Variants in MCPH1 observed in about 807,000 individuals in gnomAD.
MCPH1 encodes the protein microcephalin.
MCPH1 carries 104 observed loss-of-function variants against 84.5 expected under a neutral mutation model. The observed-to-expected ratio is 1.23, with a 90% CI of 1.05 to 1.45. The LOEUF (loss-of-function observed/expected upper bound fraction) is 1.45, where lower values mean the gene tolerates loss of function less well. Among genes scored for constraint, MCPH1 ranks in the 40% most tolerant of loss-of-function variants. The pLI is 0.00. For synonymous variants in MCPH1, 514 were observed against 366.8 expected (o/e 1.40, Z -4.58); for missense variants, 1,498 against 1,005.7 (o/e 1.49, Z -6.62).
chr8:6,625,215 T>A (rs182890153), intron 13 of MCPH1: 2 of 985,296 alleles, frequency 2.0e-6, no homozygotes, highest in Non-Finnish European at 2.4e-6. Context: ...ACTTCATGTA[T>A]AAAACAGAGT....
At chr8:6,470,409 G>T (rs892359451) in intron 9 of MCPH1, among the ~76,000 whole-genome samples, 3 of 152,082 alleles carry the variant, frequency 2.0e-5, no homozygotes, top group African/African-American at 7.2e-5. Flanking sequence ...TCAGCCTCCT[G>T]AGTAGCTGGG....
At chr8:6,489,836 A>G (rs150672237) in intron 11 of MCPH1, among the ~76,000 whole-genome samples, 7 of 152,176 alleles carry the variant, frequency 4.6e-5, no homozygotes, top group African/African-American at 2.4e-5. Context: ...TGGCTGAGTT[A>G]TCAGGGAAAA....
intron 12 of MCPH1, chr8:6,532,503 G>A: frequency 6.3e-7 from 1 of 1,584,148 alleles, no homozygotes; most frequent in Non-Finnish European, 8.6e-7. Flanking sequence ...AAAGAACAGT[G>A]TTAGAAGGCA....
chr8:6,589,278 G>C (rs1280411308), intron 12 of MCPH1, among the ~76,000 whole-genome samples: 1 of 148,890 alleles, frequency 6.7e-6, no homozygotes, highest in Non-Finnish European at 1.5e-5. Flanking sequence ...AAAAATGACT[G>C]ATACCTTAAT....
intron 12 of MCPH1, among the ~76,000 whole-genome samples, chr8:6,591,234 T>C (rs1239803746): frequency 1.3e-5 from 2 of 152,254 alleles, no homozygotes; most frequent in Non-Finnish European, 2.9e-5. Context: ...GACACCTTGC[T>C]CAGTACGATG....
At chr8:6,642,817 T>C in intron 13 of MCPH1, 177 bp from the exon 14 acceptor site, 1 of 671,496 alleles carries the variant, frequency 1.5e-6, no homozygotes, top group Non-Finnish European at 2.7e-6. Context: ...GTATTGAATT[T>C]CGTTTCACGT....
chr8:6,633,247 C>T (rs967336130), intron 13 of MCPH1, among the ~76,000 whole-genome samples: 1 of 152,232 alleles, frequency 6.6e-6, no homozygotes, highest in Middle Eastern at 3.4e-3. Context: ...CAGGAAGGGA[C>T]ACATTTTGTT....
chr8:6,489,281 C>G (rs1563278291), intron 11 of MCPH1, among the ~76,000 whole-genome samples: 1 of 151,808 alleles, frequency 6.6e-6, no homozygotes, highest in Non-Finnish European at 1.5e-5. Context: ...GGTTTGATCT[C>G]TGGGCTGTGC....
At chr8:6,590,170 G>C (rs183965506) in intron 12 of MCPH1, among the ~76,000 whole-genome samples, 20 of 148,684 alleles carry the variant, frequency 1.3e-4, no homozygotes, top group African/African-American at 5.0e-4. Flanking sequence ...GCGTTTTCAA[G>C]AGCATGGAAG....
chr8:6,537,101 C>G (rs1025250840), intron 12 of MCPH1, among the ~76,000 whole-genome samples: 6 of 152,092 alleles, frequency 3.9e-5, no homozygotes, highest in Admixed American at 3.3e-4. Context: ...CAAAACAGTT[C>G]CAAGATACTT....
chr8:6,561,632 T>A (rs1296481967), intron 12 of MCPH1, among the ~76,000 whole-genome samples: 1 of 152,268 alleles, frequency 6.6e-6, no homozygotes, highest in African/African-American at 2.4e-5. Context: ...CCCTGCCATG[T>A]AAGCATTGTG....
At position 6,480,898 on chromosome 8, in the gene MCPH1, C is replaced by T. The variant is rs747554288; in HGVS notation, c.2136+22C>T. ...TTGGGTAAGCCCTGTGTGTGAACTGCGTATTTTAAAACAAGGCATTTTGAT... is the reference window on the plus strand; with the variant it reads ...TTGGGTAAGCCCTGTGTGTGAACTGTGTATTTTAAAACAAGGCATTTTGAT... On this transcript the variant is annotated intron_variant, in intron 11 of 13. Coordinates refer to ENST00000344683, the MANE Select transcript of MCPH1 (RefSeq NM_024596.5). The T allele has an allele frequency of 6.2e-6, 10 of 1,612,262 alleles. No homozygotes were observed. The South Asian group carries it at 6.6e-5, about 11-fold the overall frequency.
chr8:6,475,238 C>G (rs1388035312), intron 9 of MCPH1, among the ~76,000 whole-genome samples: 2 of 152,244 alleles, frequency 1.3e-5, no homozygotes, highest in African/African-American at 4.8e-5. Flanking sequence ...ATGACCCTGC[C>G]CTAACAGCAA....
At chr8:6,636,897 G>C (rs1182600806) in intron 13 of MCPH1, among the ~76,000 whole-genome samples, 1 of 152,184 alleles carries the variant, frequency 6.6e-6, no homozygotes, top group Non-Finnish European at 1.5e-5. Flanking sequence ...ACATTTCCTG[G>C]ATGGGAAACA....
intron 11 of MCPH1, among the ~76,000 whole-genome samples, chr8:6,484,291 A>C (rs548069493): frequency 6.6e-6 from 1 of 152,382 alleles, no homozygotes; most frequent in Non-Finnish European, 1.5e-5. Flanking sequence ...CAGATGGCAA[A>C]TAAGCATCTA....
chr8:6,436,204 A>G (rs1440369688), intron 5 of MCPH1, 42 bp downstream of exon 5: 26 of 1,598,062 alleles, frequency 1.6e-5, no homozygotes. Flanking sequence ...ATTTGTGTCC[A>G]TACACCTTGT....
At chr8:6,444,348 A>T in intron 7 of MCPH1, 45 bp from the exon 8 acceptor site, 1 of 1,612,268 alleles carries the variant, frequency 6.2e-7, no homozygotes, top group East Asian at 2.2e-5. Context: ...ATATAGAATA[A>T]TTTAAACCAC....
intron 12 of MCPH1, among the ~76,000 whole-genome samples, chr8:6,509,741 T>C (rs1347746360): frequency 6.6e-6 from 1 of 152,212 alleles, no homozygotes; most frequent in African/African-American, 2.4e-5. Flanking sequence ...TGAAAATGCA[T>C]GGAATACACC....
intron 12 of MCPH1, chr8:6,563,090 C>A: frequency 2.5e-6 from 2 of 787,044 alleles, no homozygotes; most frequent in African/African-American, 1.7e-5. Flanking sequence ...CAGTAGCAAA[C>A]CTGGTTTTTA....
Sources: gnomAD v4.1 joint callset for allele counts (sites outside exome capture counted in the v4.1 genomes callset) on GRCh38, gnomAD v4.1.1 for gene constraint, MANE v1.5 for transcripts, NCBI Gene and HGNC (gene_info 2026-07-23, HGNC 2026-07-21) for gene names.